The following ZNF709 variants were observed in gnomAD, a reference collection of about 807,000 sequenced individuals.
ZNF709 encodes the protein zinc finger protein 709.
Under a neutral mutation model 10.6 loss-of-function variants are expected in ZNF709, and 15 were observed. That is an observed-to-expected ratio of 1.41 (90% CI 0.95 to 2.18). The LOEUF is 2.18. ZNF709 is among the 30% of genes most tolerant of loss of function. The probability of loss-of-function intolerance (pLI) is 0.00; values close to 1 mark genes in which losing one functional copy is unlikely to be tolerated. For missense variants in ZNF709, 589 were observed against 774.0 expected, an observed-to-expected ratio of 0.76 and a Z score of 2.84; for synonymous variants, 194 against 238.8, an observed-to-expected ratio of 0.81 and a Z score of 1.73.
At chr19:12,472,090 G>A (rs560787516) in intron 1 of ZNF709, among the ~76,000 whole-genome samples, 1 of 152,318 alleles carries the variant, frequency 6.6e-6, no homozygotes, top group African/African-American at 2.4e-5. Context: ...TCAGGAAGCT[G>A]AGGCAGGAGG....
intron 1 of ZNF709, among the ~76,000 whole-genome samples, chr19:12,470,081 C>T (rs12982363): frequency 0.36 from 54,415 of 151,948 alleles, 11,870 homozygotes; most frequent in Non-Finnish European, 0.49. Flanking sequence ...AGAAGTGATC[C>T]GCAAACAGCT....
chr19:12,478,919 A>G (rs1371398799), intron 1 of ZNF709, among the ~76,000 whole-genome samples: 4 of 152,226 alleles, frequency 2.6e-5, no homozygotes, highest in African/African-American at 9.7e-5. Context: ...GCAGAGTCCA[A>G]CTACTCATTA....
In ZNF709 at chr19:12,465,589, A is replaced by G. The variant is rs1970563334; in HGVS notation, c.333T>C (p.Tyr111=). The G allele has an allele frequency of 6.2e-7, 1 of 1,613,850 alleles. No homozygotes were observed. The highest frequency in any genetic ancestry group is 1.7e-5 in the Admixed American group (1 of 60,004). Reference sequence around the variant, plus strand: ...GCCTATTAAGAGATGAATGACACATATAGTCCTTTCCACACACACTACATT... The same window carrying G: ...GCCTATTAAGAGATGAATGACACATGTAGTCCTTTCCACACACACTACATT... ...PYECSVCGKD[Y]MCHSSLNRHM... Residue 111 remains tyrosine, a synonymous_variant, in exon 4 of 4, where the codon TAT becomes TAC. Transcript: ENST00000397732.
intron 1 of ZNF709, among the ~76,000 whole-genome samples, chr19:12,469,662 A>G (rs12982237): frequency 0.85 from 127,365 of 150,706 alleles, 54,515 homozygotes; most frequent in African/African-American, 0.95. Context: ...CCAGCTACTC[A>G]GGAGGCTGAG....
chr19:12,470,014 G>C (rs1599633469), intron 1 of ZNF709, among the ~76,000 whole-genome samples: 1 of 152,156 alleles, frequency 6.6e-6, no homozygotes, highest in African/African-American at 2.4e-5. Context: ...AAATTCAAAG[G>C]GTTCAGCAGT....
In ZNF709 at chr19:12,463,882, ACT is replaced by A. The variant is rs1016011588; in HGVS notation, c.*112_*113del. On this transcript the variant is annotated 3_prime_UTR_variant, in exon 4 of 4. Coordinates refer to ENST00000397732, the MANE Select transcript of ZNF709 (RefSeq NM_152601.4). The stretch of plus-strand genomic sequence containing the variant: ...ACAGAGGTTGCAGTGAGCTGAGATC[ACT>A]CTACTGCACTCCAGCCAGGGCAACA... 9.2e-5 allele frequency: 80 copies of A among 871,114 alleles called. No individual in the cohort carries two copies. Among genetic ancestry groups the A allele is most frequent in the Non-Finnish European group, 1.2e-4 (78 of 626,090 alleles). 54.0% of individuals were successfully genotyped at this position (871,114 alleles called of 1,614,324 possible). A position where few individuals can be genotyped will look rare whatever the true frequency, so the allele number is the denominator to read the frequency against.
At chr19:12,472,931 A>G (rs1415851047) in intron 1 of ZNF709, among the ~76,000 whole-genome samples, 1 of 152,168 alleles carries the variant, frequency 6.6e-6, no homozygotes, top group East Asian at 1.9e-4. Context: ...GATACAGCCA[A>G]ATGAAATACC....
At chr19:12,468,430 C>A (rs1161892091) in intron 1 of ZNF709, among the ~76,000 whole-genome samples, 2 of 151,822 alleles carry the variant, frequency 1.3e-5, no homozygotes, top group African/African-American at 2.4e-5. Context: ...GTGCTGTGTC[C>A]ACTCAGGGTT....
intron 1 of ZNF709, among the ~76,000 whole-genome samples, chr19:12,472,919 T>A (rs574932776): frequency 2.0e-5 from 3 of 152,116 alleles, no homozygotes; most frequent in African/African-American, 7.2e-5. Context: ...CGCTCCTTCC[T>A]TGATACAGCC....
intron 1 of ZNF709, among the ~76,000 whole-genome samples, chr19:12,478,582 C>G (rs921766536): frequency 3.3e-5 from 5 of 152,212 alleles, no homozygotes; most frequent in South Asian, 2.1e-4. Flanking sequence ...ATTCCTGTGT[C>G]GTTCCAATGT....
At position 12,465,622 on chromosome 19, in the gene ZNF709, T is replaced by G. The variant is rs1172393631; in HGVS notation, c.300A>C (p.Lys100Asn). 11 of 1,613,470 alleles carry G rather than the reference T, an allele frequency of 6.8e-6. No individual in the cohort carries two copies. The highest frequency in any genetic ancestry group is 8.5e-6 in the Non-Finnish European group (10 of 1,179,912). Residue 100 changes from lysine (K) to asparagine (N), a missense_variant, in exon 4 of 4, where the codon AAA (lysine) becomes AAC (asparagine). Transcript: ENST00000397732. ...TTCCACACACACTACATTCATATGGTTTTACTCTAGTAAAAGTTTTCTTGT... is the reference window on the plus strand; with the variant it reads ...TTCCACACACACTACATTCATATGGGTTTACTCTAGTAAAAGTTTTCTTGT... The part of the protein sequence containing the change: ...KPNKKTFTRV[K>N]PYECSVCGKD...
rs547330587 is a variant in ZNF709 at position 12,461,548 on chromosome 19, T to C, written c.*2448A>G. 3 of 152,164 alleles carry C rather than the reference T, an allele frequency of 2.0e-5. No homozygotes were observed. The highest frequency in any genetic ancestry group is 4.4e-5 in the Non-Finnish European group (3 of 68,044). 9.4% of individuals were successfully genotyped at this position (152,164 alleles called of 1,614,324 possible). A position where few individuals can be genotyped will look rare whatever the true frequency, so the allele number is the denominator to read the frequency against. On this transcript the variant is annotated 3_prime_UTR_variant, in exon 4 of 4. Coordinates refer to ENST00000397732, the MANE Select transcript of ZNF709 (RefSeq NM_152601.4). The stretch of plus-strand genomic sequence containing the variant: ...TTGTCACGGTGGAATCAGAAACACA[T>C]AGTCACTGGTACTGTTAACAAAACA...
At position 12,465,157 on chromosome 19, in the gene ZNF709, T is replaced by C; in HGVS notation, c.765A>G (p.Lys255=). 9.3e-6 allele frequency: 15 copies of C among 1,613,002 alleles called. No homozygotes were observed. The highest frequency in any genetic ancestry group is 1.3e-5 in the Non-Finnish European group (15 of 1,179,700). Residue 255 remains lysine, a synonymous_variant, in exon 4 of 4, where the codon AAA becomes AAG. Coordinates refer to ENST00000397732, the MANE Select transcript of ZNF709 (RefSeq NM_152601.4). ...AATATCTGAAAGCTTTTCCACATTG[T>C]TTACATTCATAGGGTTTCTCTCCAG... ...THSGEKPYEC[K]QCGKAFRYYQ...
At chr19:12,483,863 A>C (rs1970753381) in intron 1 of ZNF709, among the ~76,000 whole-genome samples, 1 of 147,080 alleles carries the variant, frequency 6.8e-6, no homozygotes, top group African/African-American at 2.4e-5. Flanking sequence ...GAAAGGACAG[A>C]TCTCCCAGAA....
chr19:12,477,347 C>T (rs1043690332), intron 1 of ZNF709, among the ~76,000 whole-genome samples: 1 of 152,196 alleles, frequency 6.6e-6, no homozygotes, highest in Non-Finnish European at 1.5e-5. Flanking sequence ...GTAAGTTCCA[C>T]AGGGTCTCAT....
chr19:12,478,423 T>C (rs182436980), intron 1 of ZNF709, among the ~76,000 whole-genome samples: 29 of 152,144 alleles, frequency 1.9e-4, no homozygotes, highest in African/African-American at 6.3e-4. Context: ...CAGCACAGAG[T>C]AGCACAACTC....
chr19:12,468,932 C>T (rs1321582759), intron 1 of ZNF709, among the ~76,000 whole-genome samples: 1 of 152,008 alleles, frequency 6.6e-6, no homozygotes, highest in East Asian at 1.9e-4. Flanking sequence ...GCTCTGCCTC[C>T]CGGGTTCACG....
At chr19:12,477,370 G>A (rs929379421) in intron 1 of ZNF709, among the ~76,000 whole-genome samples, 55 of 152,198 alleles carry the variant, frequency 3.6e-4, no homozygotes, top group African/African-American at 1.3e-3. Context: ...TGTCAAGCCA[G>A]TTTGTAAGTG....
At position 12,462,864 on chromosome 19, in the gene ZNF709, A is replaced by G. The variant is rs1970529128; in HGVS notation, c.*1132T>C. Reference sequence around the variant, plus strand: ...CTTCAATATGGAAAGACAAAATTTCAGAAACTGATTTAATGAAAAAATACT... The same window carrying G: ...CTTCAATATGGAAAGACAAAATTTCGGAAACTGATTTAATGAAAAAATACT... On this transcript the variant is annotated 3_prime_UTR_variant, in exon 4 of 4. Transcript: ENST00000397732. 6.6e-6 allele frequency: 1 copy of G among 152,232 alleles called. No homozygotes were observed. Among genetic ancestry groups the G allele is most frequent in the African/African-American group, 2.4e-5 (1 of 41,468 alleles). 9.4% of individuals were successfully genotyped at this position (152,232 alleles called of 1,614,324 possible). A position where few individuals can be genotyped will look rare whatever the true frequency, so the allele number is the denominator to read the frequency against.
Sources: gnomAD v4.1 joint callset for allele counts (sites outside exome capture counted in the v4.1 genomes callset) on GRCh38, gnomAD v4.1.1 for gene constraint, MANE v1.5 for transcripts, NCBI Gene and HGNC (gene_info 2026-07-23, HGNC 2026-07-21) for gene names.